The following CTDSPL2 variants were observed in gnomAD, a reference collection of about 807,000 sequenced individuals.
CTDSPL2 encodes the protein CTD small phosphatase-like protein 2.
Under a neutral mutation model 60.0 loss-of-function variants are expected in CTDSPL2, and 5 were observed. That is an observed-to-expected ratio of 0.08 (90% confidence interval 0.04 to 0.18). The LOEUF is 0.18. Ranked by LOEUF, CTDSPL2 falls within the 10% of genes least tolerant of loss-of-function variation. CTDSPL2 has a pLI of 1.00. For missense variants in CTDSPL2, 370 were observed against 548.8 expected, an observed-to-expected ratio of 0.67 and a Z score of 3.26; for synonymous variants, 186 against 189.3, an observed-to-expected ratio of 0.98 and a Z score of 0.14.
chr15:44,482,612 G>C (rs1028270397), intron 2 of CTDSPL2, among the ~76,000 whole-genome samples: 1 of 152,156 alleles, frequency 6.6e-6, no homozygotes, highest in South Asian at 2.1e-4. Context: ...GAGGCTCCCT[G>C]ATCCTCATTT....
At chr15:44,461,417 C>A (rs565281085) in intron 2 of CTDSPL2, among the ~76,000 whole-genome samples, 63 of 152,156 alleles carry the variant, frequency 4.1e-4, no homozygotes, top group Admixed American at 1.8e-3. Flanking sequence ...TAGACAGGAT[C>A]TTACTCTATT....
chr15:44,502,925 A>C (rs2081403429), intron 8 of CTDSPL2, among the ~76,000 whole-genome samples: 1 of 152,172 alleles, frequency 6.6e-6, no homozygotes, highest in East Asian at 1.9e-4. Context: ...TGTAGGAATA[A>C]ACTTGGTTAA....
chr15:44,519,322 C>A, intron 11 of CTDSPL2, 27 bp downstream of exon 11: 1 of 1,531,212 alleles, frequency 6.5e-7, no homozygotes, highest in South Asian at 1.3e-5. Flanking sequence ...TAAACAAACT[C>A]AGATTGGAAA....
intron 2 of CTDSPL2, among the ~76,000 whole-genome samples, chr15:44,474,255 G>C (rs1180814101): frequency 6.6e-6 from 1 of 152,088 alleles, no homozygotes; most frequent in African/African-American, 2.4e-5. Flanking sequence ...AGGCCGAGAA[G>C]GGCAGAGGGT....
chr15:44,493,333 GA>G (rs2081247593), intron 5 of CTDSPL2, among the ~76,000 whole-genome samples: 4 of 152,192 alleles, frequency 2.6e-5, no homozygotes, highest in African/African-American at 9.7e-5. Context: ...TAGCCAAAGA[GA>G]ACAAGAAGGT....
intron 2 of CTDSPL2, among the ~76,000 whole-genome samples, chr15:44,476,559 C>T (rs1223356380): frequency 2.0e-5 from 3 of 152,078 alleles, no homozygotes; most frequent in Non-Finnish European, 4.4e-5. Context: ...CATGGACCAC[C>T]TTATGGTCCA....
chr15:44,485,439 A>G (rs2081101224), intron 3 of CTDSPL2, among the ~76,000 whole-genome samples: 1 of 152,232 alleles, frequency 6.6e-6, no homozygotes, highest in South Asian at 2.1e-4. Flanking sequence ...GAATGGTTTC[A>G]GGATGAAACT....
chr15:44,492,873 T>C (rs150301211), intron 5 of CTDSPL2, among the ~76,000 whole-genome samples: 45 of 152,348 alleles, frequency 3.0e-4, no homozygotes, highest in African/African-American at 9.6e-4. Flanking sequence ...ATAAGACTAA[T>C]AAAGTATAGA....
At chr15:44,448,076 G>T in intron 1 of CTDSPL2, 2 of 244,024 alleles carry the variant, frequency 8.2e-6, no homozygotes, top group South Asian at 9.7e-5. Context: ...GTGGCCATGT[G>T]ATCCATCATG....
At chr15:44,475,140 A>G (rs1030068946) in intron 2 of CTDSPL2, among the ~76,000 whole-genome samples, 4 of 151,960 alleles carry the variant, frequency 2.6e-5, no homozygotes, top group African/African-American at 9.7e-5. Flanking sequence ...ACAGAAGTAC[A>G]ATTCTCTACA....
chr15:44,467,137 A>G (rs994164143), intron 2 of CTDSPL2, among the ~76,000 whole-genome samples: 3 of 152,182 alleles, frequency 2.0e-5, no homozygotes, highest in East Asian at 1.9e-4. Flanking sequence ...ACATGATTCT[A>G]TTGCCTTGCT....
At chr15:44,470,097 CAAAAAA>C (rs886463524) in intron 2 of CTDSPL2, among the ~76,000 whole-genome samples, 2 of 54,152 alleles carry the variant, frequency 3.7e-5, no homozygotes, top group Non-Finnish European at 8.9e-5. Flanking sequence ...GACTCTGTCT[CAAAAAA>C]AAAAAAAAAA....
In CTDSPL2 at chr15:44,525,204, T is replaced by C. The variant is rs1351590699; in HGVS notation, c.*1030T>C. On this transcript the variant is annotated 3_prime_UTR_variant, in exon 13 of 13. Coordinates refer to ENST00000260327, the MANE Select transcript of CTDSPL2 (RefSeq NM_016396.3). Reference sequence around the variant, plus strand: ...GCATGGGCTGGTAGTACCTCTGTTATGCTCTCAGTTACAATCAATTTAAAA... The same window carrying C: ...GCATGGGCTGGTAGTACCTCTGTTACGCTCTCAGTTACAATCAATTTAAAA... 1.5e-5 allele frequency: 6 copies of C among 389,842 alleles called. No individual in the cohort carries two copies. Among genetic ancestry groups the C allele is most frequent in the African/African-American group, 2.1e-5 (1 of 48,484 alleles). The allele number at this position is 389,842 out of a possible 1,614,324, so 24.1% of individuals were successfully genotyped here.
chr15:44,507,020 GC>G lies in CTDSPL2; in HGVS notation c.969+7209del, dbSNP rs977316059. 2.0e-5 allele frequency among the ~76,000 whole-genome samples: 3 copies of G among 151,188 alleles called. No homozygotes were observed. In the East Asian group the frequency reaches 5.8e-4, roughly 29 times the overall value. On this transcript the variant is annotated intron_variant, in intron 8 of 12. Coordinates refer to ENST00000260327, the MANE Select transcript of CTDSPL2 (RefSeq NM_016396.3). ...CTGACCTCGTGATCCGCCCACCTCG[GC>G]CTCCCAAAGTGCTGAGATTACAGGC...
At chr15:44,490,737 A>T (rs1342152736) in intron 4 of CTDSPL2, 47 bp from the exon 5 acceptor site, 86 of 1,445,132 alleles carry the variant, frequency 6.0e-5, no homozygotes, top group Non-Finnish European at 8.4e-5. Flanking sequence ...GTTTTTCTAA[A>T]TAGGTGCATT....
intron 8 of CTDSPL2, among the ~76,000 whole-genome samples, chr15:44,505,768 T>TA (rs2081451181): frequency 6.6e-6 from 1 of 150,506 alleles, no homozygotes; most frequent in South Asian, 2.1e-4. Flanking sequence ...AAAGAAAACA[T>TA]ACTATGTGGA....
intron 1 of CTDSPL2, among the ~76,000 whole-genome samples, chr15:44,440,949 T>A (rs1204582141): frequency 6.6e-6 from 1 of 152,184 alleles, no homozygotes; most frequent in Non-Finnish European, 1.5e-5. Context: ...TGTTACTTTG[T>A]GCTTAGATTG....
rs1285463557 is a variant in CTDSPL2 at position 44,528,828 on chromosome 15, TA to T, written c.*4655del. On this transcript the variant is annotated 3_prime_UTR_variant, in exon 13 of 13. Coordinates refer to ENST00000260327, the MANE Select transcript of CTDSPL2 (RefSeq NM_016396.3). ...AGGCAGTGTCCTTTTGGCATTAAGG[TA>T]GGGGGGAGTTAATATTCTCTCTGCC... 4.6e-5 allele frequency: 7 copies of T among 152,266 alleles called. No individual in the cohort carries two copies. Among genetic ancestry groups the T allele is most frequent in the East Asian group, 3.9e-4 (2 of 5,190 alleles). The allele number at this position is 152,266 out of a possible 1,614,324, so 9.4% of individuals were successfully genotyped here. A position where few individuals can be genotyped will look rare whatever the true frequency, so the allele number is the denominator to read the frequency against.
At chr15:44,448,231 T>C in intron 1 of CTDSPL2, 1 of 301,588 alleles carries the variant, frequency 3.3e-6, no homozygotes. Context: ...ACCCATGTGC[T>C]CCAGGCCGGA....
Sources: allele counts gnomAD v4.1 joint callset (sites outside exome capture counted in the v4.1 genomes callset), GRCh38; gene constraint gnomAD v4.1.1; transcripts MANE v1.5; gene names NCBI Gene and HGNC (gene_info 2026-07-23, HGNC 2026-07-21).